The following ACSL5 variants were observed in gnomAD, a reference collection of about 807,000 sequenced individuals.
ACSL5 encodes the protein long-chain-fatty-acid--CoA ligase 5.
In ACSL5, 50 loss-of-function variants were observed where a neutral mutation model predicts 84.9. The ratio of observed to expected loss-of-function variants is 0.59; its 90% confidence interval spans 0.47 to 0.75. The LOEUF (loss-of-function observed/expected upper bound fraction) is 0.75. Among genes scored for constraint, ACSL5 ranks in the 30% least tolerant of loss-of-function variants. The pLI, the probability that ACSL5 is intolerant of heterozygous loss-of-function variation, is 0.00. For missense variants in ACSL5, 775 were observed against 830.4 expected, an observed-to-expected ratio of 0.93 and a Z score of 0.82; for synonymous variants, 280 against 300.7, an observed-to-expected ratio of 0.93 and a Z score of 0.71.
intron 5 of ACSL5, among the ~76,000 whole-genome samples, 199 bp from the exon 6 acceptor site, chr10:112,408,223 T>C (rs1259834776): frequency 6.7e-6 from 1 of 150,044 alleles, no homozygotes; most frequent in Admixed American, 6.7e-5. Flanking sequence ...TGCTTGATCC[T>C]GGAAGGTTGA....
intron 1 of ACSL5, among the ~76,000 whole-genome samples, chr10:112,377,639 T>TA (rs1484913108): frequency 6.6e-6 from 1 of 152,208 alleles, no homozygotes; most frequent in African/African-American, 2.4e-5. Context: ...CATATTCTGA[T>TA]ATGGAGTCAC....
Position 112,403,229 on chromosome 10 carries a change from G to A in ACSL5, c.266-1282G>A, listed in dbSNP as rs1843945974. On this transcript the variant is annotated intron_variant, in intron 3 of 20. Coordinates refer to ENST00000354655, the MANE Select transcript of ACSL5 (RefSeq NM_203379.2). ...GGAAAAAGGTCCCACTTTACTAGCTGTTAAAGAAACTTAGACTATAGTAAT... is the reference window on the plus strand; with the variant it reads ...GGAAAAAGGTCCCACTTTACTAGCTATTAAAGAAACTTAGACTATAGTAAT... Among the ~76,000 whole-genome samples, 2 of 152,212 alleles carry A rather than the reference G, an allele frequency of 1.3e-5. 1 individual carries two copies. The highest frequency in any genetic ancestry group is 4.1e-4 in the South Asian group (2 of 4,830).
intron 12 of ACSL5, among the ~76,000 whole-genome samples, chr10:112,414,965 T>C (rs1413210160): frequency 6.6e-6 from 1 of 150,892 alleles, no homozygotes; most frequent in Non-Finnish European, 1.5e-5. Context: ...TTCCTTTCAC[T>C]CTTAGGACTC....
At chr10:112,382,664 C>T (rs559287671) in intron 1 of ACSL5, among the ~76,000 whole-genome samples, 13 of 152,286 alleles carry the variant, frequency 8.5e-5, no homozygotes, top group East Asian at 5.8e-4. Flanking sequence ...CTGCATCGAA[C>T]GCCCTAATGA....
chr10:112,404,398 A>G, intron 3 of ACSL5, 113 bp from the exon 4 acceptor site: 1 of 765,180 alleles, frequency 1.3e-6, no homozygotes, highest in South Asian at 1.7e-5. Flanking sequence ...TAGAAGCTCA[A>G]ATCCTTGTTG....
chr10:112,401,855 C>CCTTT (rs1187153911), intron 3 of ACSL5, among the ~76,000 whole-genome samples: 3 of 97,454 alleles, frequency 3.1e-5, no homozygotes, highest in Non-Finnish European at 6.8e-5. Flanking sequence ...TTCCTTCCTT[C>CCTTT]CTTTCTTTCT....
At chr10:112,397,057 G>A (rs1843762316) in intron 2 of ACSL5, among the ~76,000 whole-genome samples, 1 of 152,038 alleles carries the variant, frequency 6.6e-6, no homozygotes, top group African/African-American at 2.4e-5. Context: ...CATGAGAGTT[G>A]GACCACTGGA....
In ACSL5 at chr10:112,416,892, A is replaced by C; in HGVS notation, c.1088A>C (p.Gln363Pro). Residue 363 changes from glutamine to proline, a missense_variant, in exon 13 of 21, where the codon CAA (glutamine) becomes CCA (proline). Physicochemically the swap from Gln to Pro is moderately conservative, Grantham distance 76. Transcript: ENST00000354655. ...RLLNRIYDKV[Q>P]NEAKTPLKKF... ...AAAGGAGCTATCACTCTGCAGGTAC[A>C]AAATGAGGCCAAGACACCCTTGAAG... 6.2e-7 allele frequency: 1 copy of C among 1,614,054 alleles called. No individual in the cohort carries two copies. The highest frequency in any genetic ancestry group is 8.5e-7 in the Non-Finnish European group (1 of 1,179,922).
chr10:112,392,691 A>G (rs1843670363), intron 1 of ACSL5, among the ~76,000 whole-genome samples: 1 of 150,198 alleles, frequency 6.7e-6, no homozygotes, highest in Non-Finnish European at 1.5e-5. Flanking sequence ...CAGTGAGTCG[A>G]GATTGTACCA....
rs920384960 is a variant in ACSL5 at position 112,427,796 on chromosome 10, A to G, written c.*438A>G. On this transcript the variant is annotated 3_prime_UTR_variant, in exon 21 of 21. Coordinates refer to ENST00000354655, the MANE Select transcript of ACSL5 (RefSeq NM_203379.2). ...TACTGTTCAAACTAAGAGATTTTTA[A>G]ATTCTGAAAAACTGCTTACAATTCA... 6.5e-6 allele frequency: 1 copy of G among 153,104 alleles called. No homozygotes were observed. The highest frequency in any genetic ancestry group is 1.9e-4 in the East Asian group (1 of 5,228). The allele number at this position is 153,104 out of a possible 1,614,324, so 9.5% of individuals were successfully genotyped here. A position where few individuals can be genotyped will look rare whatever the true frequency, so the allele number is the denominator to read the frequency against.
intron 2 of ACSL5, among the ~76,000 whole-genome samples, chr10:112,398,311 C>T (rs1843792549): frequency 5.6e-4 from 1 of 1,798 alleles, no homozygotes; most frequent in Non-Finnish European, 1.7e-3. Flanking sequence ...GTGATCCGCC[C>T]GCCTCGGCCT....
chr10:112,382,010 C>A (rs79789791), intron 1 of ACSL5, among the ~76,000 whole-genome samples: 5 of 152,150 alleles, frequency 3.3e-5, no homozygotes, highest in African/African-American at 1.2e-4. Context: ...TGAGGTGCAT[C>A]CCATAGAGCA....
At chr10:112,424,078 A>C (rs947899566) in intron 17 of ACSL5, among the ~76,000 whole-genome samples, 9 of 152,250 alleles carry the variant, frequency 5.9e-5, no homozygotes, top group African/African-American at 2.2e-4. Flanking sequence ...ATTCACAGGC[A>C]TATCAAAACA....
At chr10:112,424,695 G>A (rs1192075292) in intron 17 of ACSL5, 2 of 152,288 alleles carry the variant, frequency 1.3e-5, no homozygotes, top group East Asian at 3.9e-4. Flanking sequence ...GTTAGCATGT[G>A]GATTTTATTT....
At chr10:112,392,168 C>T in intron 1 of ACSL5, among the ~76,000 whole-genome samples, 1 of 152,186 alleles carries the variant, frequency 6.6e-6, no homozygotes, top group East Asian at 1.9e-4. Context: ...GGAAAAAGCC[C>T]AGATAAAATA....
chr10:112,408,385 T>A (rs755643994), intron 5 of ACSL5, 37 bp from the exon 6 acceptor site: 2 of 1,292,044 alleles, frequency 1.5e-6, no homozygotes, highest in Admixed American at 3.4e-5. Context: ...CTCTTCAGTG[T>A]GCCCTCCAGT....
intron 2 of ACSL5, among the ~76,000 whole-genome samples, chr10:112,397,255 C>G (rs141346871): frequency 0.011 from 1,672 of 151,818 alleles, 39 homozygotes; most frequent in African/African-American, 0.038. Context: ...CTGCAACCTC[C>G]GCTTCCCAGG....
chr10:112,408,325 A>G, intron 5 of ACSL5, 97 bp from the exon 6 acceptor site: 1 of 832,812 alleles, frequency 1.2e-6, no homozygotes, highest in Non-Finnish European at 2.0e-6. Context: ...GCAAAACAAA[A>G]CAAGACAAAA....
chr10:112,404,904 CTT>C (rs1413924400), intron 5 of ACSL5, 98 bp downstream of exon 5: 15 of 1,022,874 alleles, frequency 1.5e-5, no homozygotes, highest in Admixed American at 2.3e-5. Context: ...TTGTTAATGC[CTT>C]ACCAAAGCTA....
Sources: allele counts gnomAD v4.1 joint callset (sites outside exome capture counted in the v4.1 genomes callset), GRCh38; gene constraint gnomAD v4.1.1; transcripts MANE v1.5; gene names NCBI Gene and HGNC (gene_info 2026-07-23, HGNC 2026-07-21).